IFIH1: variants seen among roughly 807,000 people sequenced by gnomAD.
The protein encoded by IFIH1 is interferon-induced helicase C domain-containing protein 1.
IFIH1 carries 125 observed loss-of-function variants against 107.4 expected under a neutral mutation model. The ratio of observed to expected loss-of-function variants is 1.16; its 90% CI spans 1.01 to 1.35. The LOEUF is 1.35. IFIH1 is among the 40% of genes most tolerant of loss of function. IFIH1 has a pLI of 0.00. For synonymous variants in IFIH1, 458 were observed against 413.2 expected (o/e 1.11, Z -1.31); for missense variants, 1,333 against 1,213.7 (o/e 1.10, Z -1.46).
At chr2:162,312,732 G>A (rs1365957749) in intron 1 of IFIH1, among the ~76,000 whole-genome samples, 1 of 151,996 alleles carries the variant, frequency 6.6e-6, no homozygotes, top group Non-Finnish European at 1.5e-5. Context: ...CCCTGATGTT[G>A]TAACATCTTT....
chr2:162,304,135 G>A (rs1013111900), intron 3 of IFIH1, among the ~76,000 whole-genome samples: 4 of 152,096 alleles, frequency 2.6e-5, no homozygotes, highest in African/African-American at 4.8e-5. Context: ...AGCAGCAGCA[G>A]CAGCACCAGA....
At chr2:162,307,196 T>A (rs1470276523) in intron 2 of IFIH1, 1 of 178,260 alleles carries the variant, frequency 5.6e-6, no homozygotes, top group Non-Finnish European at 1.2e-5. Flanking sequence ...AACGAGTAGT[T>A]CTTTGTAATG....
Position 162,267,576 on chromosome 2 carries a change from G to A in IFIH1, c.2808-7C>T, listed in dbSNP as rs1690950992. On this transcript the variant is annotated splice_region_variant and splice_polypyrimidine_tract_variant and intron_variant, in intron 14 of 15. Transcript: ENST00000649979. ...TCTTACAATGTAAAGTTCCCTATAA[G>A]TATCAAAGGGAAAGAATCATCATGG... The A allele has an allele frequency of 1.9e-6, 3 of 1,565,818 alleles. No homozygotes were observed. The highest frequency in any genetic ancestry group is 2.7e-5 in the African/African-American group (2 of 74,418).
At position 162,317,993 on chromosome 2, in the gene IFIH1, T is replaced by C. The variant is rs754271847; in HGVS notation, c.315A>G (p.Pro105=). 9 of 1,614,060 alleles carry C rather than the reference T, an allele frequency of 5.6e-6. No homozygotes were observed. Among genetic ancestry groups the C allele is most frequent in the Admixed American group, 1.7e-5 (1 of 60,012 alleles). ...ATTCATCATGAGCGTTCTCAAACGA[T>C]GGAGAGGGCAAGTCCGTGAGCTCAG... ...MNPELTDLPS[P]SFENAHDEYL... The change falls in exon 1 of 16, where the codon CCA becomes CCG. Residue 105 remains proline (P), a synonymous_variant. Transcript: ENST00000649979.
chr2:162,274,005 T>G, intron 11 of IFIH1, 61 bp from the exon 12 acceptor site: 2 of 1,147,520 alleles, frequency 1.7e-6, no homozygotes, highest in South Asian at 1.5e-5. Context: ...ATCTTCTAAT[T>G]AGAGGAAGAA....
At position 162,273,867 on chromosome 2, in the gene IFIH1, T is replaced by C. The variant is rs1691095730; in HGVS notation, c.2382A>G (p.Glu794=). Residue 794 remains glutamate (E), a synonymous_variant, in exon 12 of 16, where the codon GAA becomes GAG. Transcript: ENST00000649979. ...NLLIATTVAE[E]GLDIKECNIV... ...TGTTACATTCTTTAATATCCAGACCTTCTTCTGCCACTGTGGTAGCGATAA... is the reference window on the plus strand; with the variant it reads ...TGTTACATTCTTTAATATCCAGACCCTCTTCTGCCACTGTGGTAGCGATAA... 1 of 1,610,884 alleles carries C rather than the reference T, an allele frequency of 6.2e-7. No homozygotes were observed. Among genetic ancestry groups the C allele is most frequent in the South Asian group, 1.1e-5 (1 of 90,800 alleles).
intron 3 of IFIH1, among the ~76,000 whole-genome samples, chr2:162,298,430 C>T (rs953947864): frequency 6.6e-6 from 1 of 152,156 alleles, no homozygotes; most frequent in African/African-American, 2.4e-5. Flanking sequence ...TGTTCTCCTG[C>T]GAGTCAGTGG....
rs769204338 is a variant in IFIH1, at chr2:162,267,496, T to G, written c.2881A>C (p.Ile961Leu). The change falls in exon 15 of 16, where the codon ATC (isoleucine) becomes CTC (leucine). Residue 961 changes from isoleucine to leucine, a missense_variant. Physicochemically the swap from Ile to Leu is conservative, Grantham distance 5. Coordinates refer to ENST00000649979, the MANE Select transcript of IFIH1 (RefSeq NM_022168.4). The stretch of plus-strand genomic sequence containing the variant: ...TTACTCACCTGGCCACATTTGCAGA[T>G]GATTTCACCATTTATTTGATAGTCG... The part of the protein sequence containing the change: ...CADYQINGEI[I>L]CKCGQAWGTM... 1 of 1,614,028 alleles carries G rather than the reference T, an allele frequency of 6.2e-7. No individual in the cohort carries two copies. The highest frequency in any genetic ancestry group is 8.5e-7 in the Non-Finnish European group (1 of 1,179,846).
rs964441379 is a variant in IFIH1, at chr2:162,295,078, A to C, written c.770-1410T>G. 3.3e-5 allele frequency among the ~76,000 whole-genome samples: 5 copies of C among 152,118 alleles called. No individual in the cohort carries two copies. In the South Asian group the frequency reaches 1.0e-3, roughly 32 times the overall value. On this transcript the variant is annotated intron_variant, in intron 3 of 15. Coordinates refer to ENST00000649979, the MANE Select transcript of IFIH1 (RefSeq NM_022168.4). ...GTTTGACAAATGTATACAGTTTTGC[A>C]ACTTTGAAGAGGTTGACATATGTAT...
chr2:162,276,422 G>A (rs914788043), intron 11 of IFIH1, among the ~76,000 whole-genome samples: 1 of 152,106 alleles, frequency 6.6e-6, no homozygotes, highest in African/African-American at 2.4e-5. Context: ...GGACAACATA[G>A]TGGGACACCT....
chr2:162,310,816 T>A lies in IFIH1; in HGVS notation c.571A>T (p.Asn191Tyr). Reference sequence around the variant, plus strand: ...CCTGTTAACTCTTGGACAAGTTCATTGTTTCCTGTTTGACGAAGAACATTC... The same window carrying A: ...CCTGTTAACTCTTGGACAAGTTCATAGTTTCCTGTTTGACGAAGAACATTC... ...FLNVLRQTGNNELVQELTGSD... is the reference protein window; with the variant it reads ...FLNVLRQTGNYELVQELTGSD... Residue 191 changes from asparagine (N) to tyrosine (Y), a missense_variant, in exon 2 of 16, where the codon AAT (asparagine) becomes TAT (tyrosine). Coordinates refer to ENST00000649979, the MANE Select transcript of IFIH1 (RefSeq NM_022168.4). 1 of 1,613,902 alleles carries A rather than the reference T, an allele frequency of 6.2e-7. No individual in the cohort carries two copies. The highest frequency in any genetic ancestry group is 8.5e-7 in the Non-Finnish European group (1 of 1,179,850).
At chr2:162,313,910 T>A (rs1683425710) in intron 1 of IFIH1, among the ~76,000 whole-genome samples, 1 of 152,132 alleles carries the variant, frequency 6.6e-6, no homozygotes, top group Non-Finnish European at 1.5e-5. Flanking sequence ...CTCAACTTCA[T>A]GTTGGGAGAA....
intron 2 of IFIH1, chr2:162,310,016 ACTCTTACAGT>A (rs1325208196): frequency 6.6e-6 from 1 of 151,702 alleles, no homozygotes; most frequent in Non-Finnish European, 1.5e-5. Flanking sequence ...TTCACCCAAA[ACTCTTACAGT>A]CTCTATCAAT....
chr2:162,276,894 T>C lies in IFIH1; in HGVS notation c.2097A>G (p.Glu699=). The change falls in exon 11 of 16, where the codon GAA becomes GAG. Residue 699 remains glutamate (E), a synonymous_variant. Transcript: ENST00000649979. The part of the protein sequence containing the change: ...RLAENPEYEN[E]KLTKLRNTIM... Reference sequence around the variant, plus strand: ...TGGTATTTCTTAATTTGGTCAGCTTTTCATTTTCATATTCTGGGTTTTCAG... The same window carrying C: ...TGGTATTTCTTAATTTGGTCAGCTTCTCATTTTCATATTCTGGGTTTTCAG... The C allele has an allele frequency of 1.9e-6, 3 of 1,612,302 alleles. No homozygotes were observed. Among genetic ancestry groups the C allele is most frequent in the Non-Finnish European group, 1.7e-6 (2 of 1,179,448 alleles).
chr2:162,314,723 C>T (rs555774456), intron 1 of IFIH1, among the ~76,000 whole-genome samples: 10 of 152,010 alleles, frequency 6.6e-5, no homozygotes, highest in South Asian at 6.2e-4. Context: ...CTCCTGACCT[C>T]GAGAGCCACC....
At position 162,307,220 on chromosome 2, in the gene IFIH1, T is replaced by TA. The variant is rs551169029; in HGVS notation, c.623-366dup. 665 of 158,710 alleles carry TA rather than the reference T, an allele frequency of 4.2e-3. 7 individuals carry two copies. The highest frequency in any genetic ancestry group is 0.015 in the African/African-American group (629 of 41,744). 9.8% of individuals were successfully genotyped at this position (158,710 alleles called of 1,614,324 possible). On this transcript the variant is annotated intron_variant, in intron 2 of 15. Transcript: ENST00000649979. ...TTCTTTGTAATGATTAGACTGTAGC[T>TA]AAAAAAACAATATAAGCATTATGCT... is the stretch of plus-strand genomic sequence containing the variant.
intron 13 of IFIH1, among the ~76,000 whole-genome samples, chr2:162,270,603 C>T (rs2105190110): frequency 6.6e-6 from 1 of 152,264 alleles, no homozygotes; most frequent in African/African-American, 2.4e-5. Context: ...CATTCTGGGG[C>T]ACCCAAAGGG....
rs74968132 is a variant in IFIH1, at chr2:162,272,639, A to C, written c.2455-252T>G. Among the ~76,000 whole-genome samples the C allele has an allele frequency of 3.3e-3, 509 of 152,292 alleles. 2 individuals are homozygous for C. The highest frequency in any genetic ancestry group is 6.2e-3 in the Non-Finnish European group (420 of 68,004). ...GATGATGGTTAGGCCTCAATGACAT[A>C]ATATCATCCTGTCCAGGCTTTTTGC... On this transcript the variant is annotated intron_variant, in intron 12 of 15. Transcript: ENST00000649979.
At position 162,317,492 on chromosome 2, in the gene IFIH1, C is replaced by A. The variant is rs977524816; in HGVS notation, c.453+363G>T. Among the ~76,000 whole-genome samples the A allele has an allele frequency of 8.5e-5, 13 of 152,278 alleles. No homozygotes were observed. The East Asian group carries it at 2.5e-3, about 29-fold the overall frequency. The stretch of plus-strand genomic sequence containing the variant: ...ATTATTTAACCTGCCTCAGGTTTCT[C>A]ATCTGTAAAATGGAGTTAATAACAT... On this transcript the variant is annotated intron_variant, in intron 1 of 15. Transcript: ENST00000649979.
Sources: allele counts gnomAD v4.1 joint callset (sites outside exome capture counted in the v4.1 genomes callset), GRCh38; gene constraint gnomAD v4.1.1; transcripts MANE v1.5; gene names NCBI Gene and HGNC (gene_info 2026-07-23, HGNC 2026-07-21).